The following IGF2BP3 variants were observed in gnomAD, a reference collection of about 807,000 sequenced individuals.
IGF2BP3 encodes insulin like growth factor 2 mRNA binding protein 3, also known as insulin-like growth factor 2 mRNA-binding protein 3.
In IGF2BP3, 9 loss-of-function variants were observed where a neutral mutation model predicts 73.8. The observed-to-expected ratio is 0.12, with a 90% CI of 0.07 to 0.21. The LOEUF (loss-of-function observed/expected upper bound fraction) is 0.21, where lower values mean the gene tolerates loss of function less well. Ranked by LOEUF, IGF2BP3 falls within the 10% of genes least tolerant of loss-of-function variation. The pLI is 1.00. For missense variants in IGF2BP3, 542 were observed against 714.0 expected, an observed-to-expected ratio of 0.76 and a Z score of 2.75; for synonymous variants, 258 against 256.7, an observed-to-expected ratio of 1.01 and a Z score of -0.05.
intron 5 of IGF2BP3, among the ~76,000 whole-genome samples, chr7:23,352,742 G>T (rs546287381): frequency 2.0e-4 from 31 of 152,158 alleles, no homozygotes; most frequent in Admixed American, 2.0e-3. Flanking sequence ...ACCTGCTTCC[G>T]GTAGTCACTG....
intron 2 of IGF2BP3, among the ~76,000 whole-genome samples, chr7:23,454,996 G>A (rs865821803): frequency 6.6e-6 from 1 of 152,172 alleles, no homozygotes; most frequent in Non-Finnish European, 1.5e-5. Flanking sequence ...CCTAAGAACA[G>A]CTGTGAACTC....
chr7:23,407,971 G>GA (rs1786897409), intron 3 of IGF2BP3, among the ~76,000 whole-genome samples: 1 of 114,142 alleles, frequency 8.8e-6, no homozygotes, highest in African/African-American at 3.4e-5. Context: ...GGGGGGGGGG[G>GA]GAGTCAATGT....
At chr7:23,457,281 T>C (rs1788344523) in intron 2 of IGF2BP3, among the ~76,000 whole-genome samples, 1 of 151,876 alleles carries the variant, frequency 6.6e-6, no homozygotes, top group South Asian at 2.1e-4. Context: ...CTGGCCAACA[T>C]GGCAAAACTC....
At chr7:23,369,251 G>C (rs1043121878) in intron 3 of IGF2BP3, among the ~76,000 whole-genome samples, 25 of 152,046 alleles carry the variant, frequency 1.6e-4, no homozygotes, top group African/African-American at 6.0e-4. Context: ...GACCGAGACA[G>C]GACCAAATTA....
chr7:23,434,902 C>T (rs1787772433), intron 2 of IGF2BP3, among the ~76,000 whole-genome samples: 1 of 152,124 alleles, frequency 6.6e-6, no homozygotes, highest in African/African-American at 2.4e-5. Context: ...TGAACTCAGT[C>T]ACATTAATCC....
chr7:23,377,104 A>C (rs1364528919), intron 3 of IGF2BP3, among the ~76,000 whole-genome samples: 1 of 152,148 alleles, frequency 6.6e-6, no homozygotes, highest in African/African-American at 2.4e-5. Context: ...TTTATGACAA[A>C]ATTTAAAAAA....
intron 2 of IGF2BP3, among the ~76,000 whole-genome samples, chr7:23,431,647 A>G (rs1331566908): frequency 6.6e-6 from 1 of 152,182 alleles, no homozygotes. Flanking sequence ...GGGAAAAAAA[A>G]AAGATTACAA....
chr7:23,425,050 CA>C (rs1322712678), intron 2 of IGF2BP3, among the ~76,000 whole-genome samples: 1 of 152,254 alleles, frequency 6.6e-6, no homozygotes, highest in Non-Finnish European at 1.5e-5. Flanking sequence ...AACATAACCA[CA>C]ACAGCATTAC....
rs467440 is a variant in IGF2BP3 at position 23,320,806 on chromosome 7, G to T, written c.1204-1552C>A. 3.3e-5 allele frequency among the ~76,000 whole-genome samples: 5 copies of T among 151,648 alleles called. No individual in the cohort carries two copies. The South Asian group carries it at 1.0e-3, about 31-fold the overall frequency. ...CTTCAAAAATTACAAAAATTAGCCA[G>T]GCATGGTAGCGCTTGCCTGTGGTCC... is the stretch of plus-strand genomic sequence containing the variant. On this transcript the variant is annotated intron_variant, in intron 10 of 14. Coordinates refer to ENST00000258729, the MANE Select transcript of IGF2BP3 (RefSeq NM_006547.3).
intron 10 of IGF2BP3, among the ~76,000 whole-genome samples, chr7:23,321,506 G>A (rs1331614438): frequency 2.0e-5 from 3 of 152,196 alleles, no homozygotes; most frequent in East Asian, 1.9e-4. Context: ...AGGGGTGCCC[G>A]CCATTGCCCA....
intron 3 of IGF2BP3, among the ~76,000 whole-genome samples, chr7:23,366,981 C>T (rs1279006842): frequency 2.7e-5 from 4 of 146,016 alleles, no homozygotes; most frequent in Non-Finnish European, 4.5e-5. Flanking sequence ...TAAGTTCTCA[C>T]ATTTTGCTTT....
At chr7:23,323,867 A>G (rs1784223771) in intron 10 of IGF2BP3, among the ~76,000 whole-genome samples, 1 of 151,960 alleles carries the variant, frequency 6.6e-6, no homozygotes. Context: ...GTTCTTTGAA[A>G]CCAACGAGAA....
chr7:23,359,495 C>T (rs1185046964), intron 5 of IGF2BP3, among the ~76,000 whole-genome samples: 1 of 152,188 alleles, frequency 6.6e-6, no homozygotes, highest in Non-Finnish European at 1.5e-5. Flanking sequence ...TTTATCACAT[C>T]ATCCTATATT....
chr7:23,388,041 C>T (rs1049967551), intron 3 of IGF2BP3, among the ~76,000 whole-genome samples: 3 of 151,970 alleles, frequency 2.0e-5, no homozygotes, highest in Non-Finnish European at 4.4e-5. Flanking sequence ...CCCGGGTTCA[C>T]GCCATTCTCC....
chr7:23,410,940 T>C (rs996331189), intron 3 of IGF2BP3, among the ~76,000 whole-genome samples: 1 of 152,176 alleles, frequency 6.6e-6, no homozygotes, highest in East Asian at 1.9e-4. Context: ...AGTGGGGACA[T>C]GGGACTGCTG....
chr7:23,373,374 GT>G (rs1562708956), intron 3 of IGF2BP3, among the ~76,000 whole-genome samples: 1 of 152,126 alleles, frequency 6.6e-6, no homozygotes, highest in Non-Finnish European at 1.5e-5. Context: ...GTCTCTCCAG[GT>G]GTTTTTAGAA....
At chr7:23,330,685 C>A (rs1367786061) in intron 10 of IGF2BP3, among the ~76,000 whole-genome samples, 1 of 152,178 alleles carries the variant, frequency 6.6e-6, no homozygotes, top group Non-Finnish European at 1.5e-5. Flanking sequence ...CTCAGGTGAT[C>A]CGCCCGCCTT....
intron 2 of IGF2BP3, among the ~76,000 whole-genome samples, chr7:23,424,569 T>C (rs1787445486): frequency 6.6e-6 from 1 of 151,936 alleles, no homozygotes; most frequent in Admixed American, 6.6e-5. Context: ...AATTCAATCA[T>C]TATTTATTAA....
At chr7:23,464,085 A>G (rs1402711479) in intron 2 of IGF2BP3, among the ~76,000 whole-genome samples, 3 of 152,200 alleles carry the variant, frequency 2.0e-5, no homozygotes, top group African/African-American at 7.2e-5. Context: ...TCTACATTAA[A>G]AACAGCTTTT....
Sources: gnomAD v4.1 joint callset for allele counts (sites outside exome capture counted in the v4.1 genomes callset) on GRCh38, gnomAD v4.1.1 for gene constraint, MANE v1.5 for transcripts, NCBI Gene and HGNC (gene_info 2026-07-23, HGNC 2026-07-21) for gene names.